The following KCNQ3 variants were observed in gnomAD, a reference collection of about 807,000 sequenced individuals.
KCNQ3 encodes potassium voltage-gated channel subfamily Q member 3.
KCNQ3 carries 30 observed loss-of-function variants against 92.5 expected under a neutral mutation model. The ratio of observed to expected loss-of-function variants is 0.32; its 90% CI spans 0.24 to 0.44. KCNQ3 has a LOEUF of 0.44. Ranked by LOEUF, KCNQ3 falls within the 20% of genes least tolerant of loss-of-function variation. The pLI is 1.00. For missense variants in KCNQ3, 913 were observed against 1,140.3 expected, an observed-to-expected ratio of 0.80 and a Z score of 2.87; for synonymous variants, 450 against 468.8, an observed-to-expected ratio of 0.96 and a Z score of 0.52.
intron 1 of KCNQ3, among the ~76,000 whole-genome samples, chr8:132,334,199 T>C (rs1487495488): frequency 3.3e-5 from 5 of 151,866 alleles, no homozygotes; most frequent in Non-Finnish European, 5.9e-5. Flanking sequence ...GTCAAAGTTG[T>C]GGCCGGGTGT....
intron 1 of KCNQ3, among the ~76,000 whole-genome samples, chr8:132,191,541 A>G (rs1354633687): frequency 6.7e-6 from 1 of 149,932 alleles, no homozygotes; most frequent in Non-Finnish European, 1.5e-5. Flanking sequence ...TATATAATAT[A>G]TGGATGGATA....
chr8:132,399,540 A>G (rs1390217358), intron 1 of KCNQ3, among the ~76,000 whole-genome samples: 1 of 152,150 alleles, frequency 6.6e-6, no homozygotes, highest in Admixed American at 6.5e-5. Flanking sequence ...AAGAAAATAA[A>G]CCCTATGATT....
chr8:132,204,925 T>C (rs1444794229), intron 1 of KCNQ3, among the ~76,000 whole-genome samples: 1 of 152,188 alleles, frequency 6.6e-6, no homozygotes, highest in Non-Finnish European at 1.5e-5. Context: ...TTTTCTTCCT[T>C]AATTTTCACC....
intron 1 of KCNQ3, among the ~76,000 whole-genome samples, chr8:132,263,844 C>A (rs1815872801): frequency 6.6e-6 from 1 of 152,110 alleles, no homozygotes; most frequent in African/African-American, 2.4e-5. Context: ...ACTCCTTGGA[C>A]ACAGTGTATT....
At chr8:132,422,906 C>T (rs1318654011) in intron 1 of KCNQ3, among the ~76,000 whole-genome samples, 2 of 152,046 alleles carry the variant, frequency 1.3e-5, no homozygotes, top group Non-Finnish European at 2.9e-5. Flanking sequence ...AGTGAAAACA[C>T]AGCCATGGAA....
chr8:132,315,180 T>C (rs1480639808), intron 1 of KCNQ3, among the ~76,000 whole-genome samples: 1 of 152,096 alleles, frequency 6.6e-6, no homozygotes, highest in Non-Finnish European at 1.5e-5. Flanking sequence ...GAGGCTGATA[T>C]AATGGAATTA....
Position 132,180,225 on chromosome 8 carries a change from T to C in KCNQ3, c.709A>G (p.Met237Val). 1 of 1,614,200 alleles carries C rather than the reference T, an allele frequency of 6.2e-7. No individual in the cohort carries two copies. Among genetic ancestry groups the C allele is most frequent in the South Asian group, 1.1e-5 (1 of 91,088 alleles). The change falls in exon 4 of 15, where the codon ATG becomes GTG. Residue 237 changes from methionine to valine, a missense_variant. This residue lies in a region of KCNQ3 where 100 missense variants were observed against 217.6 expected (regional missense o/e 0.46). Coordinates refer to ENST00000388996, the MANE Select transcript of KCNQ3 (RefSeq NM_004519.4). The stretch of plus-strand genomic sequence containing the variant: ...CCACCTCTCCGGTCCATCCGCAGCA[T>C]GCGCAGGATCTGCAGGAAGCGCAGG... ...RSLRFLQILR[M>V]LRMDRRGGTW...
intron 1 of KCNQ3, among the ~76,000 whole-genome samples, chr8:132,216,106 T>C (rs190548758): frequency 2.6e-5 from 4 of 152,136 alleles, no homozygotes; most frequent in African/African-American, 9.7e-5. Flanking sequence ...TATGCAGTAC[T>C]TGGAAGAGCC....
chr8:132,330,412 G>A (rs527442064), intron 1 of KCNQ3, among the ~76,000 whole-genome samples: 105 of 152,046 alleles, frequency 6.9e-4, no homozygotes, highest in Admixed American at 1.1e-3. Flanking sequence ...TTTGCTCGAG[G>A]AAAACCTCCA....
In KCNQ3 at chr8:132,129,594, G is replaced by C; in HGVS notation, c.2287C>G (p.Gln763Glu). 6.2e-7 allele frequency: 1 copy of C among 1,614,186 alleles called. No individual in the cohort carries two copies. The highest frequency in any genetic ancestry group is 8.5e-7 in the Non-Finnish European group (1 of 1,180,034). Residue 763 changes from glutamine to glutamate, a missense_variant, in exon 15 of 15, where the codon CAG becomes GAG. Transcript: ENST00000388996. The surrounding 1 kb of genome is among the most constrained non-coding windows in gnomAD (Gnocchi z 5.9). ...LLDSRVSCHS[Q>E]ADLQGPYSDR... ...GAGTAGGGGCCCTGCAGGTCAGCCT[G>C]GGAGTGGCAGCTCACTCGGGAGTCG...
chr8:132,192,162 A>G (rs1827179841), intron 1 of KCNQ3, among the ~76,000 whole-genome samples: 1 of 152,172 alleles, frequency 6.6e-6, no homozygotes, highest in Non-Finnish European at 1.5e-5. Flanking sequence ...GCCGATTCCC[A>G]TCCGCAGGGA....
At chr8:132,392,173 G>T (rs532133577) in intron 1 of KCNQ3, among the ~76,000 whole-genome samples, 1 of 152,238 alleles carries the variant, frequency 6.6e-6, no homozygotes, top group South Asian at 2.1e-4. Flanking sequence ...TCACTTTCTT[G>T]TCAAAGAGGA....
intron 1 of KCNQ3, among the ~76,000 whole-genome samples, chr8:132,446,180 G>A (rs1454406025): frequency 6.6e-6 from 1 of 152,158 alleles, no homozygotes; most frequent in South Asian, 2.1e-4. Context: ...TATTGCTAAC[G>A]GCCCTGCAGT....
At chr8:132,430,635 T>G (rs757644714) in intron 1 of KCNQ3, among the ~76,000 whole-genome samples, 3 of 152,204 alleles carry the variant, frequency 2.0e-5, no homozygotes, top group Non-Finnish European at 2.9e-5. Context: ...GAAGATGAAC[T>G]TCTGCAGCAG....
intron 11 of KCNQ3, among the ~76,000 whole-genome samples, chr8:132,139,258 C>A (rs535385866): frequency 1.3e-5 from 2 of 152,360 alleles, no homozygotes; most frequent in East Asian, 3.9e-4. Context: ...CAGGTCAACA[C>A]AGGTTTATTA....
chr8:132,221,273 CATACATGTGCATGTGTCTTT>C (rs1814223131), intron 1 of KCNQ3, among the ~76,000 whole-genome samples: 1 of 152,200 alleles, frequency 6.6e-6, no homozygotes, highest in Non-Finnish European at 1.5e-5. Flanking sequence ...CCGCAATAAA[CATACATGTGCATGTGTCTTT>C]ATAGTAGCAT....
At chr8:132,174,199 G>T in intron 6 of KCNQ3, 40 bp downstream of exon 6, 1 of 1,412,268 alleles carries the variant, frequency 7.1e-7, no homozygotes, top group Non-Finnish European at 9.8e-7. Flanking sequence ...AAGGGGTCCT[G>T]CACGTCACAT....
chr8:132,159,994 G>A (rs1825934868), intron 9 of KCNQ3, among the ~76,000 whole-genome samples: 3 of 152,274 alleles, frequency 2.0e-5, no homozygotes, highest in Admixed American at 2.0e-4. Context: ...GAATAAAACA[G>A]AAAAGAGCTT....
chr8:132,298,788 A>C (rs1405039771), intron 1 of KCNQ3, among the ~76,000 whole-genome samples: 1 of 152,088 alleles, frequency 6.6e-6, no homozygotes, highest in Non-Finnish European at 1.5e-5. Context: ...GGGCACCTGT[A>C]ATCCCAGCTA....
Sources: gnomAD v4.1 joint callset for allele counts (sites outside exome capture counted in the v4.1 genomes callset) on GRCh38, gnomAD v4.1.1 for gene constraint, gnomAD v4.1.1 regional missense constraint, Gnocchi (gnomAD v3.1) non-coding constraint, MANE v1.5 for transcripts, NCBI Gene and HGNC (gene_info 2026-07-23, HGNC 2026-07-21) for gene names.